CTNNA3: variants seen among roughly 807,000 people sequenced by gnomAD.
CTNNA3 encodes catenin alpha-3.
A neutral mutation model predicts 95.7 loss-of-function variants in CTNNA3; 76 were observed. The ratio of observed to expected loss-of-function variants is 0.79; its 90% CI spans 0.66 to 0.96. The LOEUF is 0.96. Ranked by LOEUF, CTNNA3 falls within the 40% of genes least tolerant of loss-of-function variation. The pLI is 0.00. For missense variants in CTNNA3, 1,191 were observed against 1,089.8 expected (o/e 1.09, Z -1.31); for synonymous variants, 431 against 374.4 (o/e 1.15, Z -1.74).
intron 5 of CTNNA3, among the ~76,000 whole-genome samples, chr10:67,465,459 T>C (rs1420635292): frequency 6.6e-6 from 1 of 152,120 alleles, no homozygotes; most frequent in African/African-American, 2.4e-5. Flanking sequence ...TAGAATCAAC[T>C]TTTCTAGTAA....
chr10:66,582,054 G>A (rs1035490062), intron 10 of CTNNA3, among the ~76,000 whole-genome samples: 1 of 151,774 alleles, frequency 6.6e-6, no homozygotes, highest in African/African-American at 2.4e-5. Flanking sequence ...TAGCCTTGTA[G>A]TAAAATTTCA....
chr10:66,653,587 G>A (rs762936783), intron 9 of CTNNA3, among the ~76,000 whole-genome samples: 3 of 151,938 alleles, frequency 2.0e-5, no homozygotes, highest in Non-Finnish European at 4.4e-5. Flanking sequence ...ACTTTTCATA[G>A]CAATAGAAAA....
chr10:67,390,754 T>C (rs61866925), intron 5 of CTNNA3, among the ~76,000 whole-genome samples: 7 of 150,182 alleles, frequency 4.7e-5, no homozygotes, highest in South Asian at 4.3e-4. Flanking sequence ...GTTCAATATA[T>C]GCAAATCAAT....
intron 1 of CTNNA3, among the ~76,000 whole-genome samples, chr10:67,670,234 C>G (rs962156211): frequency 3.3e-5 from 5 of 152,202 alleles, no homozygotes; most frequent in Non-Finnish European, 7.3e-5. Context: ...CCCACACTCT[C>G]TGTTTCCAAA....
chr10:65,984,702 A>G (rs2078390362), intron 16 of CTNNA3, among the ~76,000 whole-genome samples: 2 of 151,402 alleles, frequency 1.3e-5, no homozygotes, highest in African/African-American at 2.4e-5. Context: ...AAAACCTTCA[A>G]TGTGACACAA....
At chr10:67,160,234 A>T (rs1047014435) in intron 7 of CTNNA3, among the ~76,000 whole-genome samples, 1 of 152,138 alleles carries the variant, frequency 6.6e-6, no homozygotes, top group Non-Finnish European at 1.5e-5. Flanking sequence ...ATTGAGGAGG[A>T]TGTGAAGGAA....
At chr10:66,766,490 C>A in intron 8 of CTNNA3, 74 bp from the exon 9 acceptor site, 2 of 1,311,810 alleles carry the variant, frequency 1.5e-6, no homozygotes, top group Non-Finnish European at 2.1e-6. Context: ...CTTACAATCT[C>A]AGTAGTTACA....
At chr10:66,028,029 G>A (rs965534880) in intron 15 of CTNNA3, among the ~76,000 whole-genome samples, 1 of 152,190 alleles carries the variant, frequency 6.6e-6, no homozygotes, top group African/African-American at 2.4e-5. Flanking sequence ...TAAGTATATA[G>A]GCCCCCAAGT....
intron 12 of CTNNA3, among the ~76,000 whole-genome samples, chr10:66,347,024 T>C (rs185444857): frequency 9.5e-4 from 145 of 152,116 alleles, no homozygotes; most frequent in African/African-American, 3.4e-3. Flanking sequence ...AAATATCAGA[T>C]TTACATCCTG....
At chr10:66,783,759 C>A (rs531962876) in intron 7 of CTNNA3, among the ~76,000 whole-genome samples, 2 of 152,186 alleles carry the variant, frequency 1.3e-5, no homozygotes, top group East Asian at 3.9e-4. Flanking sequence ...ATAGAATCAC[C>A]ATTTTCTGGC....
chr10:65,969,512 A>C (rs2078050787), intron 16 of CTNNA3, among the ~76,000 whole-genome samples: 1 of 152,180 alleles, frequency 6.6e-6, no homozygotes, highest in Admixed American at 6.5e-5. Flanking sequence ...TGAGGTTGAA[A>C]ATTAACACAA....
intron 9 of CTNNA3, among the ~76,000 whole-genome samples, chr10:66,736,850 A>G (rs563882834): frequency 6.6e-6 from 1 of 152,316 alleles, no homozygotes; most frequent in African/African-American, 2.4e-5. Context: ...ATGGCTTACA[A>G]TGTGATATTT....
In CTNNA3 at chr10:66,359,645, A is replaced by ATTT. The variant is rs2092637967; in HGVS notation, c.1732+19506_1732+19507insAAA. 2.6e-5 allele frequency among the ~76,000 whole-genome samples: 4 copies of ATTT among 152,268 alleles called. No homozygotes were observed. In the South Asian group the frequency reaches 8.3e-4, roughly 32 times the overall value. On this transcript the variant is annotated intron_variant, in intron 12 of 17. Coordinates refer to ENST00000433211, the MANE Select transcript of CTNNA3 (RefSeq NM_013266.4). Reference sequence around the variant, plus strand: ...ATACCTCTGTTCTGTTTTGCATTAAAGGTTCACATCTGTCATCCCCCCCAA... The same window carrying ATTT: ...ATACCTCTGTTCTGTTTTGCATTAAATTTGGTTCACATCTGTCATCCCCCCCAA...
At chr10:66,702,732 AAGTAGTAGTAGT>A (rs3055636) in intron 9 of CTNNA3, among the ~76,000 whole-genome samples, 18,661 of 134,172 alleles carry the variant, frequency 0.14, 1,528 homozygotes, top group Middle Eastern at 0.2. Context: ...AAAAAAGAAT[AAGTAGTAGTAGT>A]AGTAGTAGTA....
chr10:66,913,621 G>A (rs1243679949), intron 7 of CTNNA3, among the ~76,000 whole-genome samples: 2 of 152,190 alleles, frequency 1.3e-5, no homozygotes, highest in African/African-American at 4.8e-5. Flanking sequence ...AGAATACATG[G>A]TAGAGTCAAG....
chr10:66,555,023 A>G (rs901542730), intron 10 of CTNNA3, among the ~76,000 whole-genome samples: 3 of 152,096 alleles, frequency 2.0e-5, no homozygotes, highest in African/African-American at 7.2e-5. Flanking sequence ...TGATAATTCC[A>G]TTTAAGGGAT....
intron 5 of CTNNA3, among the ~76,000 whole-genome samples, chr10:67,393,612 G>T (rs1052963390): frequency 6.6e-6 from 1 of 151,980 alleles, no homozygotes; most frequent in Admixed American, 6.6e-5. Flanking sequence ...ATTATTTTAG[G>T]CCCTGTGAGT....
intron 3 of CTNNA3, among the ~76,000 whole-genome samples, chr10:67,575,307 T>A (rs573028322): frequency 3.3e-5 from 5 of 152,200 alleles, no homozygotes; most frequent in Non-Finnish European, 7.3e-5. Flanking sequence ...TAGAGATATT[T>A]CTTCTGAAAC....
At chr10:67,632,975 G>A (rs1196172063) in intron 2 of CTNNA3, among the ~76,000 whole-genome samples, 2 of 152,214 alleles carry the variant, frequency 1.3e-5, no homozygotes, top group African/African-American at 4.8e-5. Flanking sequence ...GCTGAGATGA[G>A]ACCAAGTTCC....
Sources: gnomAD v4.1 joint callset for allele counts (sites outside exome capture counted in the v4.1 genomes callset) on GRCh38, gnomAD v4.1.1 for gene constraint, MANE v1.5 for transcripts, NCBI Gene and HGNC (gene_info 2026-07-23, HGNC 2026-07-21) for gene names.